SLMAP: variants seen among roughly 807,000 people sequenced by gnomAD.
SLMAP encodes the protein sarcolemmal membrane-associated protein.
Under a neutral mutation model 128.8 loss-of-function variants are expected in SLMAP, and 44 were observed. That is an observed-to-expected ratio of 0.34 (90% confidence interval 0.27 to 0.44). SLMAP has a LOEUF of 0.44. Among genes scored for constraint, SLMAP ranks in the 20% least tolerant of loss-of-function variants. The probability of loss-of-function intolerance (pLI) is 1.00; values close to 1 mark genes in which losing one functional copy is unlikely to be tolerated. For missense variants in SLMAP, 787 were observed against 985.3 expected (o/e 0.80, Z 2.69); for synonymous variants, 327 against 348.8 (o/e 0.94, Z 0.70).
intron 14 of SLMAP, among the ~76,000 whole-genome samples, chr3:57,881,350 C>T (rs2095738357): frequency 6.6e-6 from 1 of 152,162 alleles, no homozygotes; most frequent in Non-Finnish European, 1.5e-5. Flanking sequence ...GCAGAGATCT[C>T]TGATCTCACC....
At position 57,887,327 on chromosome 3, in the gene SLMAP, T is replaced by C. The variant is rs1002283248; in HGVS notation, c.1301-2714T>C. ...TCACCTCAATCTCCGCTTCCTGGGTTCAAACGGTTCTCCTGCCTCAGCCTC... is the reference window on the plus strand; with the variant it reads ...TCACCTCAATCTCCGCTTCCTGGGTCCAAACGGTTCTCCTGCCTCAGCCTC... On this transcript the variant is annotated intron_variant, in intron 14 of 24. Transcript: ENST00000671191. Among the ~76,000 whole-genome samples, 75 of 151,938 alleles carry C rather than the reference T, an allele frequency of 4.9e-4. 1 individual carries two copies. The highest frequency in any genetic ancestry group is 1.9e-4 in the Non-Finnish European group (13 of 67,980).
intron 19 of SLMAP, among the ~76,000 whole-genome samples, chr3:57,910,785 A>T (rs2153688257): frequency 6.6e-6 from 1 of 152,328 alleles, no homozygotes; most frequent in Admixed American, 6.5e-5. Context: ...TTGTTTTAAA[A>T]TTTTAGCTTG....
chr3:57,896,229 C>G (rs2096242302), intron 15 of SLMAP: 3 of 1,109,438 alleles, frequency 2.7e-6, no homozygotes, highest in African/African-American at 1.7e-5. Flanking sequence ...GCAAAGCTTG[C>G]TTCGTTTTTG....
chr3:57,826,156 A>T (rs912828978), intron 2 of SLMAP, among the ~76,000 whole-genome samples: 10 of 151,902 alleles, frequency 6.6e-5, no homozygotes, highest in Middle Eastern at 3.4e-3. Flanking sequence ...TCTAAAATGA[A>T]TTTTTCCTTT....
intron 2 of SLMAP, among the ~76,000 whole-genome samples, chr3:57,815,672 A>G (rs879480537): frequency 2.0e-5 from 3 of 152,014 alleles, no homozygotes; most frequent in Non-Finnish European, 2.9e-5. Flanking sequence ...GGGTCTCACC[A>G]TCTTGCCCAG....
chr3:57,816,070 G>C (rs2153521393), intron 2 of SLMAP, among the ~76,000 whole-genome samples: 1 of 152,298 alleles, frequency 6.6e-6, no homozygotes. Context: ...GGTTAAGTAG[G>C]TTGCTCATGG....
chr3:57,824,299 A>G (rs1372350628), intron 2 of SLMAP, among the ~76,000 whole-genome samples: 1 of 152,208 alleles, frequency 6.6e-6, no homozygotes, highest in East Asian at 1.9e-4. Context: ...AAGCTTACCA[A>G]CATATGCATT....
chr3:57,925,485 G>C (rs2096991425), intron 23 of SLMAP, among the ~76,000 whole-genome samples: 1 of 151,780 alleles, frequency 6.6e-6, no homozygotes, highest in East Asian at 1.9e-4. Context: ...GCACCACCAT[G>C]CCTGGCTAAC....
chr3:57,819,241 T>C (rs1316354083), intron 2 of SLMAP, among the ~76,000 whole-genome samples: 1 of 152,220 alleles, frequency 6.6e-6, no homozygotes, highest in Non-Finnish European at 1.5e-5. Flanking sequence ...AAGAATTAAC[T>C]ATGACTAAAA....
chr3:57,902,061 A>G (rs985414813), intron 17 of SLMAP: 2 of 152,188 alleles, frequency 1.3e-5, no homozygotes, highest in African/African-American at 4.8e-5. Flanking sequence ...AGAGATGTCA[A>G]CTAAATATAA....
At chr3:57,779,508 CA>C (rs75146875) in intron 2 of SLMAP, among the ~76,000 whole-genome samples, 20,025 of 79,790 alleles carry the variant, frequency 0.25, 1,178 homozygotes, top group East Asian at 0.47. Flanking sequence ...GACCCTGTTT[CA>C]AAAAAAAAAA....
At chr3:57,857,382 A>G (rs1022073319) in intron 6 of SLMAP, among the ~76,000 whole-genome samples, 6 of 152,230 alleles carry the variant, frequency 3.9e-5, no homozygotes, top group Non-Finnish European at 5.9e-5. Context: ...ACACATACCT[A>G]TGATAAAGTT....
At chr3:57,780,059 C>T (rs1446478571) in intron 2 of SLMAP, among the ~76,000 whole-genome samples, 1 of 151,760 alleles carries the variant, frequency 6.6e-6, no homozygotes. Flanking sequence ...AAGAACATAA[C>T]CTCCCTAACT....
intron 2 of SLMAP, among the ~76,000 whole-genome samples, chr3:57,776,893 A>G (rs996669963): frequency 1.3e-5 from 2 of 151,894 alleles, no homozygotes; most frequent in African/African-American, 4.8e-5. Flanking sequence ...CCTTAATTAT[A>G]TATGGTTCTG....
intron 2 of SLMAP, among the ~76,000 whole-genome samples, chr3:57,810,763 C>T (rs183831416): frequency 3.3e-5 from 5 of 152,312 alleles, no homozygotes; most frequent in Admixed American, 6.5e-5. Flanking sequence ...ATCTCTCCCA[C>T]GTTCTTGGAA....
chr3:57,819,190 G>C (rs972991947), intron 2 of SLMAP, among the ~76,000 whole-genome samples: 1 of 152,110 alleles, frequency 6.6e-6, no homozygotes, highest in Non-Finnish European at 1.5e-5. Context: ...CTTACCTGTG[G>C]ATGTCTAAAT....
At chr3:57,786,841 C>G (rs940960428) in intron 2 of SLMAP, among the ~76,000 whole-genome samples, 4 of 150,734 alleles carry the variant, frequency 2.7e-5, no homozygotes, top group Admixed American at 1.3e-4. Flanking sequence ...TCACGCCATT[C>G]TCCTGCCTCA....
rs2091703915 is a variant in SLMAP at position 57,815,319 on chromosome 3, T to C, written c.199-16064T>C. Among the ~76,000 whole-genome samples, 8 of 152,144 alleles carry C rather than the reference T, an allele frequency of 5.3e-5. No individual in the cohort carries two copies. In the South Asian group the frequency reaches 1.7e-3, roughly 32 times the overall value. On this transcript the variant is annotated intron_variant, in intron 2 of 24. Transcript: ENST00000671191. Reference sequence around the variant, plus strand: ...CTAACAGGTCACAGACCAATACCAATACCAACTATGGATAAGGGACCCCTG... The same window carrying C: ...CTAACAGGTCACAGACCAATACCAACACCAACTATGGATAAGGGACCCCTG...
intron 14 of SLMAP, among the ~76,000 whole-genome samples, chr3:57,882,190 T>C (rs1001414403): frequency 2.6e-5 from 4 of 152,210 alleles, no homozygotes; most frequent in South Asian, 4.1e-4. Context: ...CAAAGATTAA[T>C]TAAACATGTA....
Sources: gnomAD v4.1 joint callset for allele counts (sites outside exome capture counted in the v4.1 genomes callset) on GRCh38, gnomAD v4.1.1 for gene constraint, MANE v1.5 for transcripts, NCBI Gene and HGNC (gene_info 2026-07-23, HGNC 2026-07-21) for gene names.